PTPRB: variants seen among roughly 807,000 people sequenced by gnomAD.
PTPRB encodes the protein receptor-type tyrosine-protein phosphatase beta.
PTPRB carries 97 observed loss-of-function variants against 238.1 expected under a neutral mutation model. The observed-to-expected ratio is 0.41, with a 90% confidence interval of 0.35 to 0.48. PTPRB has a LOEUF of 0.48. PTPRB is among the 20% of genes least tolerant of loss of function. The pLI is 0.30. For missense variants in PTPRB, 2,292 were observed against 2,681.9 expected (o/e 0.85, Z 3.21); for synonymous variants, 970 against 995.4 (o/e 0.97, Z 0.48).
At chr12:70,564,886 A>AG (rs1879079898) in intron 15 of PTPRB, among the ~76,000 whole-genome samples, 6 of 32,320 alleles carry the variant, frequency 1.9e-4, no homozygotes, top group Non-Finnish European at 4.3e-4. Context: ...TAATAATAAT[A>AG]ATAAATAGAT....
intron 32 of PTPRB, 67 bp downstream of exon 32, chr12:70,531,968 G>T (rs1337414881): frequency 1.9e-6 from 3 of 1,579,572 alleles, no homozygotes; most frequent in African/African-American, 2.7e-5. Context: ...TTAAGGTCCT[G>T]GATATTTTTT....
chr12:70,555,418 G>T (rs1006163375), intron 19 of PTPRB, 109 bp from the exon 20 acceptor site: 4 of 996,738 alleles, frequency 4.0e-6, no homozygotes, highest in Admixed American at 5.0e-5. Context: ...CAGACTGTGT[G>T]TGTGTGAGCG....
At chr12:70,553,685 T>G (rs372651177) in intron 20 of PTPRB, among the ~76,000 whole-genome samples, 10 of 152,350 alleles carry the variant, frequency 6.6e-5, no homozygotes, top group African/African-American at 2.4e-4. Flanking sequence ...AGATAAATAC[T>G]ATAGAGATCA....
At chr12:70,547,268 C>G (rs1355986821) in intron 21 of PTPRB, among the ~76,000 whole-genome samples, 1 of 152,034 alleles carries the variant, frequency 6.6e-6, no homozygotes, top group African/African-American at 2.4e-5. Context: ...GGAATAACAG[C>G]CTGTTAATGG....
Position 70,622,401 on chromosome 12 carries a change from T to C in PTPRB, c.697A>G (p.Thr233Ala), listed in dbSNP as rs1450912097. ...VLSTTQPFSS[T>A]TEETGLAEPE... Reference sequence around the variant, plus strand: ...CCCCCTCCTTTTACCTCTTCAGTGGTGCTGGAGAAGGGCTGAGTAGTCGAC... The same window carrying C: ...CCCCCTCCTTTTACCTCTTCAGTGGCGCTGGAGAAGGGCTGAGTAGTCGAC... Residue 233 changes from threonine to alanine, a missense_variant, in exon 3 of 34, where the codon ACC becomes GCC. Coordinates refer to ENST00000334414, the MANE Select transcript of PTPRB (RefSeq NM_001109754.4). 6.2e-7 allele frequency: 1 copy of C among 1,611,882 alleles called. No homozygotes were observed. The highest frequency in any genetic ancestry group is 1.7e-5 in the Admixed American group (1 of 59,970).
chr12:70,572,195 G>T, intron 11 of PTPRB, 108 bp from the exon 12 acceptor site: 1 of 1,170,778 alleles, frequency 8.5e-7, no homozygotes, highest in Non-Finnish European at 1.2e-6. Context: ...ATTATTGTGT[G>T]CATTTAAAAG....
Position 70,559,715 on chromosome 12 carries a change from T to A in PTPRB, c.4433-91A>T. On this transcript the variant is annotated intron_variant, in intron 17 of 33. Transcript: ENST00000334414. ...AGCTGAGCAACATCAGACACACTTT[T>A]AATGTACTTTGTAGGAAGAGATAAT... The A allele has an allele frequency of 3.3e-6, 4 of 1,225,424 alleles. No homozygotes were observed. In the South Asian group the frequency reaches 4.4e-5, roughly 14 times the overall value. 75.9% of individuals were successfully genotyped at this position (1,225,424 alleles called of 1,614,324 possible).
intron 22 of PTPRB, among the ~76,000 whole-genome samples, chr12:70,544,134 T>C (rs1875598858): frequency 6.6e-6 from 1 of 152,204 alleles, no homozygotes; most frequent in Non-Finnish European, 1.5e-5. Context: ...GTATTTCCAT[T>C]ACTTTGAGAT....
chr12:70,555,335 C>T, intron 19 of PTPRB, 26 bp from the exon 20 acceptor site: 1 of 1,593,598 alleles, frequency 6.3e-7, no homozygotes, highest in Non-Finnish European at 8.6e-7. Context: ...GGGAAGGAAC[C>T]AAGAGGGGTC....
chr12:70,563,831 CT>C (rs1878845770), intron 15 of PTPRB, among the ~76,000 whole-genome samples: 1 of 152,182 alleles, frequency 6.6e-6, no homozygotes, highest in Non-Finnish European at 1.5e-5. Flanking sequence ...CTGGAATCTT[CT>C]GTCCCTTCCT....
intron 1 of PTPRB, among the ~76,000 whole-genome samples, chr12:70,636,773 G>A (rs1885718179): frequency 6.6e-6 from 1 of 152,086 alleles, no homozygotes; most frequent in Admixed American, 6.6e-5. Flanking sequence ...AAATCATCAT[G>A]TGCCAGTGTA....
Position 70,572,043 on chromosome 12 carries a change from T to G in PTPRB, c.2887A>C (p.Ser963Arg), listed in dbSNP as rs1880123727. Reference protein sequence around the residue: ...QGVSVSNSARSDYLRVSWVHA... With the variant: ...QGVSVSNSARRDYLRVSWVHA... ...ACCCAGGATACCCTTAAATAGTCAC[T>G]CCTGGCTGAGTTGCTAACACTGACT... The change falls in exon 12 of 34, where the codon AGT (serine) becomes CGT (arginine). Residue 963 changes from serine to arginine, a missense_variant. Ser to Arg is a moderately radical substitution (Grantham distance 110, BLOSUM62 -1). Coordinates refer to ENST00000334414, the MANE Select transcript of PTPRB (RefSeq NM_001109754.4). The G allele has an allele frequency of 6.2e-7, 1 of 1,613,534 alleles. No individual in the cohort carries two copies. Among genetic ancestry groups the G allele is most frequent in the Admixed American group, 1.7e-5 (1 of 59,984 alleles).
intron 15 of PTPRB, 40 bp downstream of exon 15, chr12:70,566,395 T>C (rs768403619): frequency 6.3e-6 from 10 of 1,597,376 alleles, no homozygotes; most frequent in African/African-American, 1.3e-5. Context: ...TAGCAGACAT[T>C]GGCAATATGT....
At position 70,620,899 on chromosome 12, in the gene PTPRB, T is replaced by C. The variant is rs541525759; in HGVS notation, c.708+1491A>G. Among the ~76,000 whole-genome samples, 5 of 152,336 alleles carry C rather than the reference T, an allele frequency of 3.3e-5. No homozygotes were observed. In the South Asian group the frequency reaches 8.3e-4, roughly 25 times the overall value. ...AAGAGAAATTACTTAGTGGGTACAA[T>C]GTATGTTATTTGGGTGATAGAAACC... On this transcript the variant is annotated intron_variant, in intron 3 of 33. Transcript: ENST00000334414.
At chr12:70,608,016 A>G (rs2136536217) in intron 4 of PTPRB, among the ~76,000 whole-genome samples, 1 of 152,178 alleles carries the variant, frequency 6.6e-6, no homozygotes, top group East Asian at 1.9e-4. Context: ...GACTTACTAC[A>G]TGAGCCCAGT....
rs1231210493 is a variant in PTPRB, at chr12:70,517,312, G to T, written c.*4177C>A. On this transcript the variant is annotated 3_prime_UTR_variant, in exon 34 of 34. Coordinates refer to ENST00000334414, the MANE Select transcript of PTPRB (RefSeq NM_001109754.4). ...GACAGGATTGTCCAAGCACACCCAG[G>T]CCACACAGAAGAGATGCCATTTTAT... is the stretch of plus-strand genomic sequence containing the variant. 6.6e-6 allele frequency: 1 copy of T among 152,162 alleles called. No individual in the cohort carries two copies. Among genetic ancestry groups the T allele is most frequent in the Non-Finnish European group, 1.5e-5 (1 of 68,024 alleles). The allele number at this position is 152,162 out of a possible 1,614,324, so 9.4% of individuals were successfully genotyped here. A position where few individuals can be genotyped will look rare whatever the true frequency, so the allele number is the denominator to read the frequency against.
intron 10 of PTPRB, among the ~76,000 whole-genome samples, chr12:70,579,695 CAAAAAAAA>C (rs35887706): frequency 2.2e-5 from 2 of 90,986 alleles, no homozygotes; most frequent in African/African-American, 8.1e-5. Context: ...GACTCCATCT[CAAAAAAAA>C]AAAAAAAAAA....
intron 3 of PTPRB, among the ~76,000 whole-genome samples, chr12:70,611,061 T>C (rs1211499666): frequency 6.6e-6 from 1 of 152,176 alleles, no homozygotes; most frequent in African/African-American, 2.4e-5. Context: ...TTGCAACAAG[T>C]TTTATAATTT....
At chr12:70,586,298 C>T (rs184900235) in intron 9 of PTPRB, among the ~76,000 whole-genome samples, 1 of 152,312 alleles carries the variant, frequency 6.6e-6, no homozygotes. Context: ...TCCACATCCT[C>T]TCCAGCACCT....
Sources: gnomAD v4.1 joint callset for allele counts (sites outside exome capture counted in the v4.1 genomes callset) on GRCh38, gnomAD v4.1.1 for gene constraint, MANE v1.5 for transcripts, NCBI Gene and HGNC (gene_info 2026-07-23, HGNC 2026-07-21) for gene names.